Variants in LIX1 observed in about 807,000 individuals in gnomAD.
LIX1 encodes the protein protein limb expression 1 homolog.
In LIX1, 24 loss-of-function variants were observed where a neutral mutation model predicts 33.4. The ratio of observed to expected loss-of-function variants is 0.72; its 90% CI spans 0.52 to 1.01. The LOEUF (loss-of-function observed/expected upper bound fraction) is 1.01. LIX1 is among the 50% of genes least tolerant of loss of function. The pLI is 0.00. For synonymous variants in LIX1, 124 were observed against 124.0 expected, an observed-to-expected ratio of 1.00 and a Z score of 0.00; for missense variants, 311 against 339.2, an observed-to-expected ratio of 0.92 and a Z score of 0.65.
chr5:97,141,125 C>G (rs1189873041), intron 1 of LIX1, among the ~76,000 whole-genome samples: 1 of 141,628 alleles, frequency 7.1e-6, no homozygotes, highest in Non-Finnish European at 1.6e-5. Flanking sequence ...AACGTCCCCC[C>G]TATTTTTTTT....
At chr5:97,131,547 G>A (rs1748056863) in intron 1 of LIX1, among the ~76,000 whole-genome samples, 3 of 118,486 alleles carry the variant, frequency 2.5e-5, no homozygotes, top group African/African-American at 1.1e-4. Context: ...GGAATGAAAT[G>A]CCTTGTGGTA....
chr5:97,107,469 T>A lies in LIX1; in HGVS notation c.278A>T (p.Asp93Val), dbSNP rs1385822829. 1.2e-6 allele frequency: 2 copies of A among 1,613,778 alleles called. No homozygotes were observed. Among genetic ancestry groups the A allele is most frequent in the Non-Finnish European group, 1.7e-6 (2 of 1,180,018 alleles). Residue 93 changes from aspartate (D) to valine (V), a missense_variant, in exon 3 of 6, where the codon GAT (aspartate) becomes GTT (valine). Transcript: ENST00000274382. ...GTTGATCAGGGCCACTTTAGCTGCA[T>A]CCCGCCTGGCCTCGGCTCTACTTAA... The part of the protein sequence containing the change: ...CCLSRAEARR[D>V]AAKVALINSL...
chr5:97,130,576 C>A (rs1479697708), intron 1 of LIX1, among the ~76,000 whole-genome samples: 2 of 152,160 alleles, frequency 1.3e-5, no homozygotes, highest in Non-Finnish European at 2.9e-5. Context: ...CTGGTTCTGC[C>A]TTTAACTTTC....
intron 2 of LIX1, among the ~76,000 whole-genome samples, chr5:97,114,666 C>T (rs111424877): frequency 0.018 from 2,796 of 152,214 alleles, 44 homozygotes; most frequent in Middle Eastern, 0.031. Context: ...ATAAGATTTG[C>T]GGGTGATTCT....
intron 1 of LIX1, among the ~76,000 whole-genome samples, chr5:97,126,398 A>C (rs929644282): frequency 1.5e-4 from 23 of 152,292 alleles, no homozygotes; most frequent in African/African-American, 5.5e-4. Context: ...GATCAGCTTC[A>C]TGGTGTATAG....
intron 1 of LIX1, among the ~76,000 whole-genome samples, chr5:97,138,661 T>C (rs1426855852): frequency 6.6e-6 from 1 of 152,162 alleles, no homozygotes; most frequent in Non-Finnish European, 1.5e-5. Flanking sequence ...TTCTATCTCA[T>C]CAAAAATTAT....
At chr5:97,109,315 G>A (rs1303316704) in intron 2 of LIX1, among the ~76,000 whole-genome samples, 3 of 152,130 alleles carry the variant, frequency 2.0e-5, no homozygotes, top group Non-Finnish European at 4.4e-5. Context: ...GTGCAGTGGT[G>A]CAATCTTAGC....
chr5:97,138,583 C>G (rs771709739), intron 1 of LIX1, among the ~76,000 whole-genome samples: 5 of 152,202 alleles, frequency 3.3e-5, no homozygotes, highest in Non-Finnish European at 7.3e-5. Flanking sequence ...CAACCTGCCT[C>G]CTCAGTCTGT....
intron 4 of LIX1, among the ~76,000 whole-genome samples, chr5:97,103,971 GAAAAAAA>G (rs36039071): frequency 9.3e-6 from 1 of 107,404 alleles, no homozygotes; most frequent in Admixed American, 1.0e-4. Flanking sequence ...TCTCAAAAAA[GAAAAAAA>G]AAAAAAAAAA....
intron 2 of LIX1, among the ~76,000 whole-genome samples, chr5:97,116,268 A>G (rs1268897271): frequency 6.6e-6 from 1 of 152,204 alleles, no homozygotes; most frequent in Non-Finnish European, 1.5e-5. Context: ...CTAATTGTGG[A>G]TATATTAACA....
intron 1 of LIX1, among the ~76,000 whole-genome samples, chr5:97,130,312 C>T (rs893105750): frequency 9.2e-5 from 14 of 152,176 alleles, no homozygotes; most frequent in Non-Finnish European, 7.3e-5. Context: ...AAGCTACAGT[C>T]GAAAACACAT....
chr5:97,123,233 G>A (rs1322698305), intron 2 of LIX1, among the ~76,000 whole-genome samples: 1 of 152,304 alleles, frequency 6.6e-6, no homozygotes, highest in African/African-American at 2.4e-5. Flanking sequence ...AAATGTAGAA[G>A]TTCAACCCAT....
intron 2 of LIX1, among the ~76,000 whole-genome samples, chr5:97,110,645 T>C (rs1264623558): frequency 6.6e-6 from 1 of 152,092 alleles, no homozygotes; most frequent in East Asian, 1.9e-4. Flanking sequence ...GGTTTCTCCA[T>C]GTTGGTCAGG....
At chr5:97,106,372 T>A (rs1747027077) in intron 3 of LIX1, among the ~76,000 whole-genome samples, 1 of 152,204 alleles carries the variant, frequency 6.6e-6, no homozygotes, top group Admixed American at 6.5e-5. Context: ...TGCTCCTTCC[T>A]TATCTCTCCT....
Position 97,124,481 on chromosome 5 carries a change from AC to A in LIX1, c.230del (p.Cys77PhefsTer9), listed in dbSNP as rs1747861452. 6.2e-7 allele frequency: 1 copy of A among 1,602,984 alleles called. No individual in the cohort carries two copies. The highest frequency in any genetic ancestry group is 8.5e-7 in the Non-Finnish European group (1 of 1,173,874). ...VSYVTLPGGSCFGNFQCCLSR... is the reference protein window; with the variant it reads ...VSYVTLPGGSXFGNFQCCLSR... ...TACTTCTTACCTGAAAGTTGCCAAA[AC>A]AGCTTCCCCCTGGGAGGGTCACGTA... is the stretch of plus-strand genomic sequence containing the variant. On this transcript the variant is annotated frameshift_variant, in exon 2 of 6. Transcript: ENST00000274382. LOFTEE classifies it high-confidence loss of function.
rs1468599249 is a variant in LIX1, at chr5:97,095,115, A to G, written c.562-80T>C. 3 of 1,330,456 alleles carry G rather than the reference A, an allele frequency of 2.3e-6. No individual in the cohort carries two copies. In the African/African-American group the frequency reaches 4.4e-5, roughly 19 times the overall value. 82.4% of individuals were successfully genotyped at this position (1,330,456 alleles called of 1,614,324 possible). ...GTCCACATGCCTCCCCCTGCTTCCCACATCCATTAGGGTTTTATCAACAAC... is the reference window on the plus strand; with the variant it reads ...GTCCACATGCCTCCCCCTGCTTCCCGCATCCATTAGGGTTTTATCAACAAC... On this transcript the variant is annotated intron_variant, in intron 5 of 5. Coordinates refer to ENST00000274382, the MANE Select transcript of LIX1 (RefSeq NM_153234.5).
rs574190365 is a variant in LIX1, at chr5:97,118,612, C to T, written c.246+5854G>A. ...AAATATGTCTAAAATACATGAAATA[C>T]TTAATGCTTGTAATGTTAGAAAATT... On this transcript the variant is annotated intron_variant, in intron 2 of 5. Transcript: ENST00000274382. Among the ~76,000 whole-genome samples, 10 of 152,138 alleles carry T rather than the reference C, an allele frequency of 6.6e-5. No homozygotes were observed. The East Asian group carries it at 1.9e-3, about 29-fold the overall frequency.
At chr5:97,136,855 TC>T (rs1353506575) in intron 1 of LIX1, among the ~76,000 whole-genome samples, 2 of 152,060 alleles carry the variant, frequency 1.3e-5, no homozygotes, top group African/African-American at 4.8e-5. Flanking sequence ...TCAATAGGAT[TC>T]TTTTTTTTTT....
At chr5:97,141,216 G>C (rs1230715845) in intron 1 of LIX1, among the ~76,000 whole-genome samples, 1 of 152,090 alleles carries the variant, frequency 6.6e-6, no homozygotes, top group African/African-American at 2.4e-5. Flanking sequence ...CAGCCCGAGA[G>C]CCCTTTTATC....
Sources: gnomAD v4.1 joint callset for allele counts (sites outside exome capture counted in the v4.1 genomes callset) on GRCh38, gnomAD v4.1.1 for gene constraint, MANE v1.5 for transcripts, NCBI Gene and HGNC (gene_info 2026-07-23, HGNC 2026-07-21) for gene names.